SORCS2: variants seen among roughly 807,000 people sequenced by gnomAD.
SORCS2 encodes sortilin related VPS10 domain containing receptor 2.
Under a neutral mutation model 141.6 loss-of-function variants are expected in SORCS2, and 100 were observed. That is an observed-to-expected ratio of 0.71 (90% confidence interval 0.60 to 0.83). The LOEUF is 0.83. Among genes scored for constraint, SORCS2 ranks in the 40% least tolerant of loss-of-function variants. The pLI, the probability that SORCS2 is intolerant of heterozygous loss-of-function variation, is 0.00. For missense variants in SORCS2, 1,646 were observed against 1,560.2 expected, an observed-to-expected ratio of 1.05 and a Z score of -0.93; for synonymous variants, 789 against 676.9, an observed-to-expected ratio of 1.17 and a Z score of -2.57.
At chr4:7,254,834 C>G (rs534685906) in intron 1 of SORCS2, among the ~76,000 whole-genome samples, 4 of 152,084 alleles carry the variant, frequency 2.6e-5, no homozygotes, top group East Asian at 1.9e-4. Context: ...AGAGCAGAGT[C>G]TCTCACATCT....
intron 1 of SORCS2, among the ~76,000 whole-genome samples, chr4:7,222,762 T>C (rs11729619): frequency 0.24 from 36,325 of 151,794 alleles, 4,452 homozygotes; most frequent in East Asian, 0.3. Flanking sequence ...TAGGGAGGGC[T>C]GGGGCGTACA....
intron 3 of SORCS2, among the ~76,000 whole-genome samples, chr4:7,543,809 C>T (rs1470786185): frequency 2.0e-5 from 1 of 50,008 alleles, no homozygotes; most frequent in Non-Finnish European, 4.6e-5. Context: ...TCCATCCATC[C>T]ATCCATCCAT....
At chr4:7,511,975 C>A (rs1029341045) in intron 2 of SORCS2, among the ~76,000 whole-genome samples, 2 of 152,226 alleles carry the variant, frequency 1.3e-5, no homozygotes, top group Non-Finnish European at 2.9e-5. Flanking sequence ...GTGGGAGACA[C>A]GGTGCCCTCC....
intron 1 of SORCS2, among the ~76,000 whole-genome samples, chr4:7,241,005 G>T (rs1712658325): frequency 6.6e-6 from 1 of 152,178 alleles, no homozygotes; most frequent in African/African-American, 2.4e-5. Context: ...CACGATCTCG[G>T]CTCACTGCAA....
chr4:7,667,264 CCT>C, intron 8 of SORCS2, 51 bp downstream of exon 8: 1 of 1,543,116 alleles, frequency 6.5e-7, no homozygotes, highest in Non-Finnish European at 8.9e-7. Flanking sequence ...CTAAGCTTAT[CCT>C]GACTCATGGG....
chr4:7,330,467 A>T (rs933192537), intron 1 of SORCS2, among the ~76,000 whole-genome samples: 2 of 150,834 alleles, frequency 1.3e-5, no homozygotes, highest in African/African-American at 2.4e-5. Context: ...CCCCACGCAC[A>T]CCCCTGACGT....
chr4:7,272,782 G>A (rs893607929), intron 1 of SORCS2, among the ~76,000 whole-genome samples: 24 of 152,258 alleles, frequency 1.6e-4, no homozygotes, highest in Admixed American at 1.3e-3. Flanking sequence ...GCTTCAGGGC[G>A]TAAGCTGAAC....
At chr4:7,308,705 C>T (rs1405763195) in intron 1 of SORCS2, among the ~76,000 whole-genome samples, 3 of 151,612 alleles carry the variant, frequency 2.0e-5, no homozygotes, top group Non-Finnish European at 2.9e-5. Flanking sequence ...TTCCCACCAG[C>T]ACCCTGTCCT....
Position 7,726,855 on chromosome 4 carries a change from G to T in SORCS2, c.2821G>T (p.Ala941Ser). Residue 941 changes from alanine (A) to serine (S), a missense_variant, in exon 21 of 27, where the codon GCC (alanine) becomes TCC (serine). Transcript: ENST00000507866. Reference sequence around the variant, plus strand: ...CGACGTGCGTGTGACGGTGCAGGCCGCCTGTGGGAACTCGGTGCTGCAGGA... The same window carrying T: ...CGACGTGCGTGTGACGGTGCAGGCCTCCTGTGGGAACTCGGTGCTGCAGGA... ...TGDVRVTVQA[A>S]CGNSVLQDSR... is the part of the protein sequence containing the mutation. The T allele has an allele frequency of 6.2e-7, 1 of 1,613,860 alleles. No homozygotes were observed. The highest frequency in any genetic ancestry group is 8.5e-7 in the Non-Finnish European group (1 of 1,179,816).
intron 3 of SORCS2, among the ~76,000 whole-genome samples, chr4:7,600,649 A>T (rs1003668025): frequency 1.2e-5 from 1 of 83,298 alleles, no homozygotes; most frequent in African/African-American, 5.8e-5. Flanking sequence ...CGATATACAT[A>T]TATATATACA....
At position 7,662,319 on chromosome 4, in the gene SORCS2, G is replaced by C. The variant is rs185889616; in HGVS notation, c.952+755G>C. Among the ~76,000 whole-genome samples the C allele has an allele frequency of 7.6e-3, 1,151 of 151,466 alleles. 4 individuals are homozygous for C. Among genetic ancestry groups the C allele is most frequent in the Non-Finnish European group, 0.011 (763 of 67,852 alleles). ...TGATAACCAGGGCAACAGCTCAGGGGCAGTCCAGGTTTGCCTGGGGTCACA... is the reference window on the plus strand; with the variant it reads ...TGATAACCAGGGCAACAGCTCAGGGCCAGTCCAGGTTTGCCTGGGGTCACA... On this transcript the variant is annotated intron_variant, in intron 6 of 26. Coordinates refer to ENST00000507866, the MANE Select transcript of SORCS2 (RefSeq NM_020777.3).
chr4:7,705,716 A>G (rs970147987), intron 14 of SORCS2, among the ~76,000 whole-genome samples: 1 of 152,136 alleles, frequency 6.6e-6, no homozygotes, highest in Non-Finnish European at 1.5e-5. Context: ...ACCAGTTCAC[A>G]CCCTGAGTTT....
Position 7,702,599 on chromosome 4 carries a change from C to G in SORCS2, c.1669-681C>G, listed in dbSNP as rs1172322620. Among the ~76,000 whole-genome samples the G allele has an allele frequency of 2.0e-5, 3 of 152,246 alleles. No homozygotes were observed. In the East Asian group the frequency reaches 5.8e-4, roughly 29 times the overall value. On this transcript the variant is annotated intron_variant, in intron 12 of 26. Coordinates refer to ENST00000507866, the MANE Select transcript of SORCS2 (RefSeq NM_020777.3). The stretch of plus-strand genomic sequence containing the variant: ...CCCTCAGTATCCACTCCTGGGTAAG[C>G]CCTGTCCAGGCTACTCAGCCTTTTG...
chr4:7,607,663 G>T (rs1718148510), intron 3 of SORCS2, among the ~76,000 whole-genome samples: 1 of 152,196 alleles, frequency 6.6e-6, no homozygotes, highest in Non-Finnish European at 1.5e-5. Context: ...GTAGTCCTGA[G>T]AATCCTGCCA....
chr4:7,412,464 C>T (rs755942936), intron 2 of SORCS2, among the ~76,000 whole-genome samples: 5 of 152,166 alleles, frequency 3.3e-5, no homozygotes, highest in Admixed American at 6.5e-5. Context: ...CAGACGACCC[C>T]GTGCATTCTG....
intron 3 of SORCS2, among the ~76,000 whole-genome samples, chr4:7,623,908 C>G (rs1719363917): frequency 6.6e-6 from 1 of 152,148 alleles, no homozygotes; most frequent in Non-Finnish European, 1.5e-5. Context: ...AGCGCGCGTC[C>G]CATATCCACC....
chr4:7,410,049 C>T (rs1725203846), intron 2 of SORCS2, among the ~76,000 whole-genome samples: 1 of 152,250 alleles, frequency 6.6e-6, no homozygotes, highest in African/African-American at 2.4e-5. Context: ...CAAAGTCCTT[C>T]TCTGCAGAGG....
chr4:7,331,381 G>A (rs1577408073), intron 1 of SORCS2, among the ~76,000 whole-genome samples: 1 of 152,112 alleles, frequency 6.6e-6, no homozygotes, highest in African/African-American at 2.4e-5. Flanking sequence ...AAGTGGGGGT[G>A]GGTGATCGAC....
At chr4:7,401,553 C>T (rs1721688701) in intron 2 of SORCS2, among the ~76,000 whole-genome samples, 1 of 152,198 alleles carries the variant, frequency 6.6e-6, no homozygotes, top group African/African-American at 2.4e-5. Flanking sequence ...GGAGAGAAAG[C>T]TTACCTTGGG....
Sources: gnomAD v4.1 joint callset for allele counts (sites outside exome capture counted in the v4.1 genomes callset) on GRCh38, gnomAD v4.1.1 for gene constraint, MANE v1.5 for transcripts, NCBI Gene and HGNC (gene_info 2026-07-23, HGNC 2026-07-21) for gene names.